Variants in RSRC1 observed in about 807,000 individuals in gnomAD.
The protein encoded by RSRC1 is serine/Arginine-related protein 53.
In RSRC1, 39 loss-of-function variants were observed where a neutral mutation model predicts 49.1. The observed-to-expected ratio is 0.79, with a 90% CI of 0.61 to 1.04. RSRC1 has a LOEUF of 1.04. RSRC1 is among the 50% of genes least tolerant of loss of function. RSRC1 has a pLI of 0.00. For missense variants in RSRC1, 388 were observed against 402.4 expected, an observed-to-expected ratio of 0.96 and a Z score of 0.31; for synonymous variants, 143 against 130.8, an observed-to-expected ratio of 1.09 and a Z score of -0.63.
chr3:158,401,332 C>T (rs980641646), intron 6 of RSRC1, among the ~76,000 whole-genome samples: 1 of 152,034 alleles, frequency 6.6e-6, no homozygotes, highest in African/African-American at 2.4e-5. Flanking sequence ...TACCCACAGA[C>T]TTTCCTTAGT....
At chr3:158,375,012 G>T (rs6774461) in intron 6 of RSRC1, among the ~76,000 whole-genome samples, 92,891 of 151,626 alleles carry the variant, frequency 0.61, 29,284 homozygotes, top group African/African-American at 0.75. Flanking sequence ...TCGTTATTTC[G>T]CAGTTTTGCA....
intron 7 of RSRC1, among the ~76,000 whole-genome samples, chr3:158,511,874 T>C (rs1268934728): frequency 6.6e-6 from 1 of 152,116 alleles, no homozygotes; most frequent in Non-Finnish European, 1.5e-5. Context: ...TGATGGCCAG[T>C]GATGGTGAGC....
At chr3:158,227,319 G>C (rs887843912) in intron 4 of RSRC1, among the ~76,000 whole-genome samples, 1 of 151,866 alleles carries the variant, frequency 6.6e-6, no homozygotes, top group African/African-American at 2.4e-5. Flanking sequence ...CCCAAGATTA[G>C]ACGAGTGGTT....
intron 3 of RSRC1, among the ~76,000 whole-genome samples, chr3:158,190,740 AT>A (rs1720192602): frequency 6.6e-6 from 1 of 150,400 alleles, no homozygotes; most frequent in African/African-American, 2.4e-5. Context: ...AAAAATTTTG[AT>A]TATTTCTGTT....
At chr3:158,295,096 CA>C (rs1164676522) in intron 4 of RSRC1, among the ~76,000 whole-genome samples, 1 of 152,086 alleles carries the variant, frequency 6.6e-6, no homozygotes, top group Non-Finnish European at 1.5e-5. Flanking sequence ...TGTGATGGGA[CA>C]TGCCCCGAGT....
At chr3:158,314,796 A>G (rs1246066965) in intron 5 of RSRC1, among the ~76,000 whole-genome samples, 1 of 152,218 alleles carries the variant, frequency 6.6e-6, no homozygotes, top group Admixed American at 6.5e-5. Context: ...TATTTTAGTC[A>G]TATATGAGTA....
At chr3:158,253,566 A>C (rs890238062) in intron 4 of RSRC1, among the ~76,000 whole-genome samples, 1 of 152,090 alleles carries the variant, frequency 6.6e-6, no homozygotes, top group African/African-American at 2.4e-5. Flanking sequence ...TTTTCTGTGA[A>C]TATCAATTAG....
intron 6 of RSRC1, among the ~76,000 whole-genome samples, chr3:158,376,293 G>A (rs1732369542): frequency 6.7e-6 from 1 of 149,618 alleles, no homozygotes; most frequent in East Asian, 2.0e-4. Flanking sequence ...CTGAGTAGCT[G>A]GGATTATAGA....
intron 7 of RSRC1, among the ~76,000 whole-genome samples, chr3:158,477,014 GAAGT>G (rs1287022415): frequency 6.6e-6 from 1 of 152,174 alleles, no homozygotes. Context: ...TTCAGTGGAG[GAAGT>G]AACAGCCTTT....
Position 158,314,575 on chromosome 3 carries a change from G to A in RSRC1, c.531+16500G>A, listed in dbSNP as rs1330134225. ...CTAGCAATTGTTATCCTGTCAGCAT[G>A]TATAGTTTAGTGCTACAGTGCTTTC... On this transcript the variant is annotated intron_variant, in intron 5 of 9. Coordinates refer to ENST00000611884, the MANE Select transcript of RSRC1 (RefSeq NM_001271838.2). 3.9e-5 allele frequency among the ~76,000 whole-genome samples: 6 copies of A among 152,252 alleles called. No homozygotes were observed. The Middle Eastern group carries it at 0.02, about 518-fold the overall frequency.
intron 3 of RSRC1, among the ~76,000 whole-genome samples, chr3:158,197,903 T>C (rs1720740580): frequency 6.6e-6 from 1 of 152,200 alleles, no homozygotes; most frequent in Non-Finnish European, 1.5e-5. Context: ...AGGAGAGCTT[T>C]ATTCCCACTA....
intron 5 of RSRC1, among the ~76,000 whole-genome samples, chr3:158,313,028 A>G (rs1728214631): frequency 6.6e-6 from 1 of 152,096 alleles, no homozygotes; most frequent in Non-Finnish European, 1.5e-5. Context: ...TTATGCTTTT[A>G]TGCTATTTCT....
At chr3:158,132,094 C>G (rs1056815423) in intron 3 of RSRC1, 2 of 441,428 alleles carry the variant, frequency 4.5e-6, no homozygotes, top group Non-Finnish European at 9.2e-6. Flanking sequence ...AGGTATCCTC[C>G]TACCTCAACC....
intron 6 of RSRC1, among the ~76,000 whole-genome samples, chr3:158,445,511 G>C (rs1284236084): frequency 6.6e-6 from 1 of 152,060 alleles, no homozygotes; most frequent in Non-Finnish European, 1.5e-5. Context: ...TCGTGGGGTG[G>C]GGGTAGCGGG....
intron 7 of RSRC1, among the ~76,000 whole-genome samples, chr3:158,484,142 A>G (rs1345112674): frequency 6.6e-6 from 1 of 152,128 alleles, no homozygotes; most frequent in African/African-American, 2.4e-5. Context: ...GTTTAGTACA[A>G]GAGAGCTATG....
In RSRC1 at chr3:158,544,993, AC is replaced by A; in HGVS notation, c.*722del. 1 of 152,206 alleles carries A rather than the reference AC, an allele frequency of 6.6e-6. No homozygotes were observed. The highest frequency in any genetic ancestry group is 2.1e-4 in the South Asian group (1 of 4,820). The allele number at this position is 152,206 out of a possible 1,614,324, so 9.4% of individuals were successfully genotyped here. ...AAGAGCTCTCACTTCAGTCTTACTT[AC>A]CCCACTGCTATTCCCTGTGGAGAAA... On this transcript the variant is annotated 3_prime_UTR_variant, in exon 10 of 10. Coordinates refer to ENST00000611884, the MANE Select transcript of RSRC1 (RefSeq NM_001271838.2).
In RSRC1 at chr3:158,208,924, C is replaced by T. The variant is rs532892907; in HGVS notation, c.494+5679C>T. 9.9e-5 allele frequency among the ~76,000 whole-genome samples: 15 copies of T among 152,254 alleles called. No individual in the cohort carries two copies. The South Asian group carries it at 2.9e-3, about 29-fold the overall frequency. ...ATTATTGGACCTTCTTTACCTACAT[C>T]TTGATCCAAACTGCCTAACATATAG... is the stretch of plus-strand genomic sequence containing the variant. On this transcript the variant is annotated intron_variant, in intron 4 of 9. Transcript: ENST00000611884.
intron 7 of RSRC1, among the ~76,000 whole-genome samples, chr3:158,519,624 C>T (rs1260628182): frequency 6.6e-6 from 1 of 152,022 alleles, no homozygotes; most frequent in Non-Finnish European, 1.5e-5. Flanking sequence ...TAGCAGGAGC[C>T]AGATTATACC....
chr3:158,111,556 A>G (rs1227061139), intron 1 of RSRC1, among the ~76,000 whole-genome samples: 1 of 152,178 alleles, frequency 6.6e-6, no homozygotes, highest in East Asian at 1.9e-4. Flanking sequence ...TTTAATTGTG[A>G]TGGGAGAAGT....
Sources: gnomAD v4.1 joint callset for allele counts (sites outside exome capture counted in the v4.1 genomes callset) on GRCh38, gnomAD v4.1.1 for gene constraint, MANE v1.5 for transcripts, NCBI Gene and HGNC (gene_info 2026-07-23, HGNC 2026-07-21) for gene names.